Variants in MSRB3 observed in about 807,000 individuals in gnomAD.
MSRB3 encodes the protein methionine sulfoxide reductase B3.
A neutral mutation model predicts 21.0 loss-of-function variants in MSRB3; 13 were observed. The ratio of observed to expected loss-of-function variants is 0.62; its 90% CI spans 0.40 to 0.98. MSRB3 has a LOEUF of 0.98. MSRB3 is among the 50% of genes least tolerant of loss of function. The pLI, the probability that MSRB3 is intolerant of heterozygous loss-of-function variation, is 0.00. For missense variants in MSRB3, 199 were observed against 230.3 expected, an observed-to-expected ratio of 0.86 and a Z score of 0.88; for synonymous variants, 87 against 88.6, an observed-to-expected ratio of 0.98 and a Z score of 0.10.
intron 4 of MSRB3, among the ~76,000 whole-genome samples, chr12:65,360,277 A>G (rs1450090226): frequency 6.6e-6 from 1 of 151,986 alleles, no homozygotes; most frequent in Non-Finnish European, 1.5e-5. Flanking sequence ...ATGAAGGTAT[A>G]CTCTGTTCTC....
At chr12:65,336,948 A>G (rs571956497) in intron 4 of MSRB3, among the ~76,000 whole-genome samples, 1 of 152,228 alleles carries the variant, frequency 6.6e-6, no homozygotes, top group Non-Finnish European at 1.5e-5. Flanking sequence ...TCGTGTCTTA[A>G]AAGTTTTAGC....
intron 1 of MSRB3, chr12:65,279,514 C>G (rs530061871): frequency 2.0e-5 from 3 of 152,274 alleles, no homozygotes; most frequent in South Asian, 4.1e-4. Context: ...CCCGAGTTTG[C>G]CAGGTATCAG....
intron 1 of MSRB3, among the ~76,000 whole-genome samples, chr12:65,295,548 T>TG (rs1207218760): frequency 1.3e-5 from 2 of 152,184 alleles, no homozygotes; most frequent in Non-Finnish European, 2.9e-5. Context: ...TTTGAGTTGA[T>TG]GTCTCCCTTT....
intron 5 of MSRB3, among the ~76,000 whole-genome samples, chr12:65,406,017 T>C (rs1341933699): frequency 6.6e-6 from 1 of 152,234 alleles, no homozygotes; most frequent in Non-Finnish European, 1.5e-5. Context: ...TCTTGTTCTA[T>C]AGGTTGTCTC....
rs113429950 is a variant in MSRB3 at position 65,425,844 on chromosome 12, T to C, written c.293-27884T>C. Among the ~76,000 whole-genome samples the C allele has an allele frequency of 3.2e-3, 490 of 152,228 alleles. 5 individuals carry two copies. Among genetic ancestry groups the C allele is most frequent in the African/African-American group, 0.011 (460 of 41,532 alleles). On this transcript the variant is annotated intron_variant, in intron 5 of 6. Transcript: ENST00000308259. ...GGATGTAATTACTTTTATCTGTGAG[T>C]TTCATACTGTAATTTTTGTTTTAGT... is the stretch of plus-strand genomic sequence containing the variant.
chr12:65,463,364 G>A lies in MSRB3; in HGVS notation c.*42G>A, dbSNP rs760061070. On this transcript the variant is annotated 3_prime_UTR_variant, in exon 7 of 7. Coordinates refer to ENST00000308259, the MANE Select transcript of MSRB3 (RefSeq NM_001031679.3). The stretch of plus-strand genomic sequence containing the variant: ...GGAAACAAAGTGTACTTAATGCACA[G>A]CTTATTAAAAAAATCAAAATTGTTA... 3.4e-5 allele frequency: 55 copies of A among 1,607,426 alleles called. No homozygotes were observed. In the South Asian group the frequency reaches 5.3e-4, roughly 16 times the overall value.
chr12:65,397,026 G>A (rs552097040), intron 5 of MSRB3, among the ~76,000 whole-genome samples: 9 of 152,070 alleles, frequency 5.9e-5, no homozygotes, highest in Admixed American at 2.0e-4. Flanking sequence ...TTTTTGCCTC[G>A]TGTATTTTGA....
chr12:65,383,730 G>T (rs193256089), intron 5 of MSRB3, among the ~76,000 whole-genome samples: 1 of 150,188 alleles, frequency 6.7e-6, no homozygotes, highest in Admixed American at 6.6e-5. Flanking sequence ...GCATGATCTC[G>T]GCTCACTCCA....
chr12:65,410,569 A>G (rs1466446954), intron 5 of MSRB3, among the ~76,000 whole-genome samples: 1 of 152,090 alleles, frequency 6.6e-6, no homozygotes, highest in South Asian at 2.1e-4. Flanking sequence ...GCTGGAGCCT[A>G]GGAGGTTGAG....
At chr12:65,294,847 A>G (rs1872863935) in intron 1 of MSRB3, among the ~76,000 whole-genome samples, 1 of 151,804 alleles carries the variant, frequency 6.6e-6, no homozygotes, top group Admixed American at 6.6e-5. Flanking sequence ...TTGTTTTGAG[A>G]CAAGGTCTCT....
At chr12:65,358,590 T>G (rs1460712584) in intron 4 of MSRB3, among the ~76,000 whole-genome samples, 1 of 151,922 alleles carries the variant, frequency 6.6e-6, no homozygotes, top group Non-Finnish European at 1.5e-5. Flanking sequence ...TTTTTGGCAC[T>G]TCTTGATGAT....
intron 5 of MSRB3, among the ~76,000 whole-genome samples, chr12:65,444,187 A>G (rs954691150): frequency 6.6e-6 from 1 of 152,110 alleles, no homozygotes; most frequent in African/African-American, 2.4e-5. Context: ...GGTGCTGCAA[A>G]CATGTTTGAC....
chr12:65,331,655 G>A (rs1205967780), intron 4 of MSRB3, among the ~76,000 whole-genome samples: 2 of 152,220 alleles, frequency 1.3e-5, no homozygotes, highest in Non-Finnish European at 2.9e-5. Flanking sequence ...TAGCCGCTGG[G>A]TGCTGCTCAT....
chr12:65,462,436 C>T (rs1883371638), intron 6 of MSRB3, among the ~76,000 whole-genome samples: 1 of 152,140 alleles, frequency 6.6e-6, no homozygotes, highest in Admixed American at 6.5e-5. Context: ...TCTCTTCTTC[C>T]CCAGCTTTTT....
chr12:65,326,795 GCTT>G (rs914524491), intron 2 of MSRB3, 28 bp from the exon 3 acceptor site: 3 of 1,562,740 alleles, frequency 1.9e-6, no homozygotes, highest in East Asian at 2.2e-5. Flanking sequence ...AGCTAAAAAG[GCTT>G]CTTCTCCCAT....
chr12:65,420,710 T>C (rs930343987), intron 5 of MSRB3, among the ~76,000 whole-genome samples: 2 of 152,214 alleles, frequency 1.3e-5, no homozygotes, highest in Admixed American at 6.5e-5. Flanking sequence ...CTCCCACTTA[T>C]AAGTGAGAAC....
chr12:65,362,806 G>A (rs969489616), intron 4 of MSRB3, among the ~76,000 whole-genome samples: 7 of 152,154 alleles, frequency 4.6e-5, no homozygotes, highest in Non-Finnish European at 1.0e-4. Flanking sequence ...CGCAGAGGAA[G>A]CATATTGTGT....
At chr12:65,414,527 C>T (rs184609738) in intron 5 of MSRB3, among the ~76,000 whole-genome samples, 329 of 152,226 alleles carry the variant, frequency 2.2e-3, no homozygotes, top group Admixed American at 3.5e-3. Context: ...AGCAACATGC[C>T]GTGCAGGTTT....
At chr12:65,320,995 A>G (rs1874625639) in intron 2 of MSRB3, among the ~76,000 whole-genome samples, 1 of 152,096 alleles carries the variant, frequency 6.6e-6, no homozygotes, top group South Asian at 2.1e-4. Context: ...ATCAGCACAG[A>G]CACCTTCCTC....
Sources: gnomAD v4.1 joint callset for allele counts (sites outside exome capture counted in the v4.1 genomes callset) on GRCh38, gnomAD v4.1.1 for gene constraint, MANE v1.5 for transcripts, NCBI Gene and HGNC (gene_info 2026-07-23, HGNC 2026-07-21) for gene names.